The following RCOR3 variants were observed in gnomAD, a reference collection of about 807,000 sequenced individuals.
RCOR3 encodes REST corepressor 3.
In RCOR3, 13 loss-of-function variants were observed where a neutral mutation model predicts 64.1. That is an observed-to-expected ratio of 0.20 (90% CI 0.13 to 0.32). The LOEUF (loss-of-function observed/expected upper bound fraction) is 0.32. Ranked by LOEUF, RCOR3 falls within the 10% of genes least tolerant of loss-of-function variation. RCOR3 has a pLI of 1.00. For missense variants in RCOR3, 489 were observed against 701.2 expected (o/e 0.70, Z 3.42); for synonymous variants, 215 against 239.0 (o/e 0.90, Z 0.93).
At chr1:211,278,457 T>G (rs1697324053) in intron 6 of RCOR3, among the ~76,000 whole-genome samples, 1 of 152,212 alleles carries the variant, frequency 6.6e-6, no homozygotes, top group Admixed American at 6.5e-5. Flanking sequence ...TTCCTTTTAG[T>G]ATTGATATAT....
At position 211,313,484 on chromosome 1, in the gene RCOR3, C is replaced by T. The variant is rs1190819748; in HGVS notation, c.1378C>T (p.Pro460Ser). Residue 460 changes from proline (P) to serine (S), a missense_variant, in exon 12 of 12, where the codon CCA (proline) becomes TCA (serine). This residue lies in a region of RCOR3 where 402 missense variants were observed against 617.0 expected (regional missense o/e 0.65). Coordinates refer to ENST00000419091, the MANE Select transcript of RCOR3 (RefSeq NM_001136223.3). The surrounding 1 kb of genome is among the most constrained non-coding windows in gnomAD (Gnocchi z 4.7). ...GPSPPAPSST[P>S]TPTAPIATLN... ...ATCACCTCCTGCCCCATCATCCACT[C>T]CAACACCAACAGCCCCTATTGCCAC... is the stretch of plus-strand genomic sequence containing the variant. 6 of 1,614,156 alleles carry T rather than the reference C, an allele frequency of 3.7e-6. No individual in the cohort carries two copies. The highest frequency in any genetic ancestry group is 1.3e-5 in the African/African-American group (1 of 75,034).
chr1:211,290,302 A>AT (rs2102577191), intron 8 of RCOR3, among the ~76,000 whole-genome samples: 2 of 152,040 alleles, frequency 1.3e-5, no homozygotes, highest in Middle Eastern at 3.4e-3. Context: ...TCCCCAAAAG[A>AT]TTTTTTTCTC....
chr1:211,280,813 G>A (rs1256944789), intron 7 of RCOR3, among the ~76,000 whole-genome samples: 3 of 151,992 alleles, frequency 2.0e-5, no homozygotes, highest in Non-Finnish European at 2.9e-5. Context: ...GAGAAACCCC[G>A]TCTCTACTAA....
chr1:211,259,924 G>GC (rs1166189134), intron 1 of RCOR3, 184 bp from the exon 2 acceptor site: 11,188 of 457,774 alleles, frequency 0.024, 139 homozygotes, highest in African/African-American at 0.07. Flanking sequence ...CTCCGCCTTT[G>GC]CCCCCCCCCG....
chr1:211,259,456 T>TCTCCTC lies in RCOR3; in HGVS notation c.-93_-88dup, dbSNP rs574816010. ...TCCTCCTCCTCCGCCGCCGCCGCCG[T>TCTCCTC]CTCCTCCTCCTCCTCCTTTCCCTCC... is the stretch of plus-strand genomic sequence containing the variant. On this transcript the variant is annotated 5_prime_UTR_variant, in exon 1 of 12. Coordinates refer to ENST00000419091, the MANE Select transcript of RCOR3 (RefSeq NM_001136223.3). 8 of 1,122,358 alleles carry TCTCCTC rather than the reference T, an allele frequency of 7.1e-6. No homozygotes were observed. The highest frequency in any genetic ancestry group is 3.0e-5 in the East Asian group (1 of 33,368). The allele number at this position is 1,122,358 out of a possible 1,614,324, so 69.5% of individuals were successfully genotyped here. A position where few individuals can be genotyped will look rare whatever the true frequency, so the allele number is the denominator to read the frequency against.
intron 8 of RCOR3, 40 bp downstream of exon 8, chr1:211,289,436 T>C (rs1353740811): frequency 6.6e-7 from 1 of 1,507,214 alleles, no homozygotes; most frequent in South Asian, 1.2e-5. Context: ...TTCTGTGCAT[T>C]TTGGCTATCC....
At chr1:211,311,295 A>C (rs1701466006) in intron 10 of RCOR3, among the ~76,000 whole-genome samples, 1 of 152,152 alleles carries the variant, frequency 6.6e-6, no homozygotes, top group African/African-American at 2.4e-5. Context: ...TGTCATGTAC[A>C]TGTATTTTCC....
chr1:211,301,117 A>T (rs1571979478), intron 9 of RCOR3, among the ~76,000 whole-genome samples: 1 of 152,276 alleles, frequency 6.6e-6, no homozygotes, highest in Middle Eastern at 3.4e-3. Flanking sequence ...AAAAATAATT[A>T]TAGGCCAATT....
intron 2 of RCOR3, 69 bp from the exon 3 acceptor site, chr1:211,271,163 C>T: frequency 6.9e-7 from 1 of 1,456,358 alleles, no homozygotes; most frequent in Non-Finnish European, 9.6e-7. Flanking sequence ...GGGCAGCTTA[C>T]TTTGTTTCTA....
At chr1:211,292,865 C>T (rs930795385) in intron 8 of RCOR3, among the ~76,000 whole-genome samples, 3 of 152,004 alleles carry the variant, frequency 2.0e-5, no homozygotes, top group Non-Finnish European at 4.4e-5. Context: ...GCAGGTGAAT[C>T]GCGAGGTTAG....
chr1:211,277,957 T>A (rs574120975), intron 5 of RCOR3, among the ~76,000 whole-genome samples, 160 bp from the exon 6 acceptor site: 118 of 152,338 alleles, frequency 7.7e-4, no homozygotes, highest in Middle Eastern at 6.8e-3. Context: ...GAAATTGATA[T>A]GGGATACTGA....
chr1:211,306,001 T>C (rs1186641927), intron 10 of RCOR3, among the ~76,000 whole-genome samples: 1 of 152,188 alleles, frequency 6.6e-6, no homozygotes, highest in Non-Finnish European at 1.5e-5. Flanking sequence ...TCGCAGGATT[T>C]CAGAGGCACT....
chr1:211,313,465 T>A lies in RCOR3; in HGVS notation c.1359T>A (p.Pro453=). The change falls in exon 12 of 12, where the codon CCT becomes CCA. Residue 453 remains proline (P), a synonymous_variant. Coordinates refer to ENST00000419091, the MANE Select transcript of RCOR3 (RefSeq NM_001136223.3). The surrounding 1 kb of genome is among the most constrained non-coding windows in gnomAD (Gnocchi z 4.7). Reference sequence around the variant, plus strand: ...CTCCTCGGACACTGGGTCCATCACCTCCTGCCCCATCATCCACTCCAACAC... The same window carrying A: ...CTCCTCGGACACTGGGTCCATCACCACCTGCCCCATCATCCACTCCAACAC... The part of the protein sequence containing the change: ...PQAPRTLGPS[P]PAPSSTPTPT... The A allele has an allele frequency of 6.2e-7, 1 of 1,614,044 alleles. No individual in the cohort carries two copies. Among genetic ancestry groups the A allele is most frequent in the Non-Finnish European group, 8.5e-7 (1 of 1,179,992 alleles).
chr1:211,306,885 T>A (rs1222597881), intron 10 of RCOR3, among the ~76,000 whole-genome samples: 1 of 152,172 alleles, frequency 6.6e-6, no homozygotes, highest in African/African-American at 2.4e-5. Flanking sequence ...TGTTGTAATT[T>A]TAATAGAATT....
In RCOR3 at chr1:211,312,371, GA is replaced by G; in HGVS notation, c.1076-346del. 2.1e-6 allele frequency: 1 copy of G among 471,290 alleles called. No homozygotes were observed. The highest frequency in any genetic ancestry group is 4.2e-6 in the Non-Finnish European group (1 of 237,276). 29.2% of individuals were successfully genotyped at this position (471,290 alleles called of 1,614,324 possible). A position where few individuals can be genotyped will look rare whatever the true frequency, so the allele number is the denominator to read the frequency against. ...CAAATTTAGGTGACTGGCTACTAGG[GA>G]AATAAATGAATGTGGAATTGAGGAT... On this transcript the variant is annotated intron_variant, in intron 10 of 11. Transcript: ENST00000419091. The surrounding 1 kb of genome is among the most constrained non-coding windows in gnomAD (Gnocchi z 5.0).
At chr1:211,267,900 G>A in intron 2 of RCOR3, 1 of 369,856 alleles carries the variant, frequency 2.7e-6, no homozygotes, top group South Asian at 1.9e-5. Context: ...GCCTGTAGCT[G>A]TTACCTTTTA....
At chr1:211,272,639 T>TTTTTTTTA (rs55992235) in intron 3 of RCOR3, among the ~76,000 whole-genome samples, 1 of 134,626 alleles carries the variant, frequency 7.4e-6, no homozygotes, top group Non-Finnish European at 1.6e-5. Flanking sequence ...TTTTTTTTTT[T>TTTTTTTTA]GAGACGGAGT....
At chr1:211,268,271 G>T (rs1023666657) in intron 2 of RCOR3, among the ~76,000 whole-genome samples, 2 of 151,372 alleles carry the variant, frequency 1.3e-5, no homozygotes, top group Non-Finnish European at 2.9e-5. Context: ...GAGTGGGTTG[G>T]CTATTTTGTG....
Position 211,293,086 on chromosome 1 carries a change from A to AAAATAAATAAATAAATAAATAAAT in RCOR3, c.940-2579_940-2556dup, listed in dbSNP as rs10524651. On this transcript the variant is annotated intron_variant, in intron 8 of 11. Coordinates refer to ENST00000419091, the MANE Select transcript of RCOR3 (RefSeq NM_001136223.3). ...GCGACAGAGTGAGACTCTGTCTCCA[A>AAAATAAATAAATAAATAAATAAAT]AAATAAATAAATAAATAAATAAATA... Among the ~76,000 whole-genome samples the AAAATAAATAAATAAATAAATAAAT allele has an allele frequency of 7.1e-4, 101 of 143,042 alleles. 1 individual carries two copies. Among genetic ancestry groups the AAAATAAATAAATAAATAAATAAAT allele is most frequent in the African/African-American group, 2.5e-3 (94 of 38,254 alleles). The allele number at this position is 143,042 out of a possible 152,430, so 93.8% of individuals were successfully genotyped here. A position where few individuals can be genotyped will look rare whatever the true frequency, so the allele number is the denominator to read the frequency against.
Sources: allele counts gnomAD v4.1 joint callset (sites outside exome capture counted in the v4.1 genomes callset), GRCh38; gene constraint gnomAD v4.1.1; regional missense constraint gnomAD v4.1.1; non-coding constraint Gnocchi (gnomAD v3.1); transcripts MANE v1.5; gene names NCBI Gene and HGNC (gene_info 2026-07-23, HGNC 2026-07-21).